PDE4DIP: variants seen among roughly 807,000 people sequenced by gnomAD.
PDE4DIP encodes myomegalin.
In PDE4DIP, 59 loss-of-function variants were observed where a neutral mutation model predicts 221.4. That is an observed-to-expected ratio of 0.27 (90% confidence interval 0.22 to 0.33). The LOEUF is 0.33. Ranked by LOEUF, PDE4DIP falls within the 10% of genes least tolerant of loss-of-function variation. The pLI, the probability that PDE4DIP is intolerant of heterozygous loss-of-function variation, is 1.00. For synonymous variants in PDE4DIP, 404 were observed against 815.9 expected (o/e 0.50, Z 8.60); for missense variants, 1,036 against 2,154.2 (o/e 0.48, Z 10.28).
In PDE4DIP at chr1:148,892,601, G is replaced by A. The variant is rs1699011547; in HGVS notation, c.141+2707G>A. Among the ~76,000 whole-genome samples the A allele has an allele frequency of 1.7e-5, 2 of 120,530 alleles. 1 individual carries two copies. The highest frequency in any genetic ancestry group is 6.8e-5 in the African/African-American group (2 of 29,240). 79.1% of individuals were successfully genotyped at this position (120,530 alleles called of 152,430 possible). ...TGTCTCTATCTAGTCTTACGTGTTA[G>A]CAGAGTTGTCAGGCAGCTACTGCAT... On this transcript the variant is annotated intron_variant, in intron 1 of 43. Coordinates refer to ENST00000369354, the Ensembl canonical transcript of PDE4DIP.
chr1:148,953,166 T>G (rs1553494223), intron 5 of PDE4DIP: 1 of 1,614,106 alleles, frequency 6.2e-7, no homozygotes, highest in Non-Finnish European at 8.5e-7. Flanking sequence ...TCTGCACTGC[T>G]CCAGGAGGAC....
chr1:148,875,814 TACTC>T (rs1691009831), intron 3 of PDE4DIP, among the ~76,000 whole-genome samples: 1 of 151,968 alleles, frequency 6.6e-6, no homozygotes, highest in African/African-American at 2.4e-5. Context: ...TAATCCCAGT[TACTC>T]AGGAGGCTGA....
intron 21 of PDE4DIP, chr1:148,981,689 A>G (rs1409284764): frequency 8.2e-6 from 3 of 365,340 alleles, no homozygotes; most frequent in Non-Finnish European, 1.6e-5. Context: ...ATTCTGTTTT[A>G]GTTTTTCCAC....
At chr1:148,924,427 G>A (rs1421650859) in intron 1 of PDE4DIP, among the ~76,000 whole-genome samples, 67 of 151,958 alleles carry the variant, frequency 4.4e-4, no homozygotes, top group South Asian at 4.2e-3. Context: ...GTTAAAAATC[G>A]TTAAAAGGTT....
At chr1:149,006,545 T>A (rs2152526518) in intron 27 of PDE4DIP, 1 of 152,290 alleles carries the variant, frequency 6.6e-6, no homozygotes, top group South Asian at 2.1e-4. Flanking sequence ...AGACTTAGGA[T>A]GAAATGATGC....
chr1:148,981,163 CAA>C, intron 20 of PDE4DIP, 105 bp from the exon 24 acceptor site: 1 of 995,076 alleles, frequency 1.0e-6, no homozygotes, highest in Non-Finnish European at 1.5e-6. Flanking sequence ...AATTACTTTA[CAA>C]AGTCGTGTGG....
intron 40 of PDE4DIP, 71 bp from the exon 44 acceptor site, chr1:149,028,489 C>T (rs2075816151): frequency 2.2e-5 from 32 of 1,432,760 alleles, no homozygotes; most frequent in Non-Finnish European, 2.6e-5. Context: ...GCCTCACTCA[C>T]AAAGGAAGCT....
chr1:148,821,052 C>G (rs1166737304), intron 1 of PDE4DIP, among the ~76,000 whole-genome samples: 2 of 150,000 alleles, frequency 1.3e-5, no homozygotes, highest in African/African-American at 5.0e-5. Context: ...GGGGTTTCAC[C>G]GTGTTAGCCA....
At chr1:148,974,845 C>G (rs1283894310) in intron 17 of PDE4DIP, among the ~76,000 whole-genome samples, 1 of 63,280 alleles carries the variant, frequency 1.6e-5, no homozygotes, top group Non-Finnish European at 3.1e-5. Flanking sequence ...ACGTAACCCT[C>G]TCTCCCCATT....
At chr1:148,859,187 CA>C (rs1215346869) in intron 1 of PDE4DIP, among the ~76,000 whole-genome samples, 9 of 105,080 alleles carry the variant, frequency 8.6e-5, no homozygotes, top group African/African-American at 3.0e-4. Context: ...GTCAGAATAT[CA>C]GGGGGTGGCA....
At chr1:148,952,400 C>T (rs880002927) in intron 5 of PDE4DIP, 73 of 1,085,384 alleles carry the variant, frequency 6.7e-5, no homozygotes, top group Middle Eastern at 8.0e-4. Flanking sequence ...GGCTTTGCGT[C>T]TGCGCGGCCG....
chr1:148,961,521 T>A (rs2056930436), intron 6 of PDE4DIP, among the ~76,000 whole-genome samples: 2 of 152,134 alleles, frequency 1.3e-5, no homozygotes, highest in Admixed American at 1.3e-4. Flanking sequence ...TCTTTGGTCC[T>A]TGTATAAGGG....
chr1:148,996,569 T>C (rs1302784881), intron 22 of PDE4DIP, among the ~76,000 whole-genome samples: 1 of 152,122 alleles, frequency 6.6e-6, no homozygotes, highest in Non-Finnish European at 1.5e-5. Flanking sequence ...TCTAAGGATC[T>C]TTCTTCTTTG....
intron 5 of PDE4DIP, among the ~76,000 whole-genome samples, chr1:148,938,761 T>TCAGATA (rs2049858766): frequency 6.6e-6 from 1 of 151,400 alleles, no homozygotes; most frequent in Admixed American, 6.6e-5. Flanking sequence ...TACAAGTGTA[T>TCAGATA]CAGATAATGA....
chr1:148,929,495 T>G (rs1553468076), intron 2 of PDE4DIP: 1 of 525,200 alleles, frequency 1.9e-6, no homozygotes, highest in African/African-American at 1.9e-5. Flanking sequence ...CCACCAGACC[T>G]AAGACTGCAA....
chr1:148,981,951 A>G (rs1188072710), intron 21 of PDE4DIP: 1 of 158,506 alleles, frequency 6.3e-6, no homozygotes, highest in Non-Finnish European at 1.4e-5. Context: ...TGACTTTGCA[A>G]AAGTGATATA....
intron 5 of PDE4DIP, among the ~76,000 whole-genome samples, chr1:148,949,517 T>C (rs1460542361): frequency 7.2e-5 from 11 of 152,038 alleles, no homozygotes; most frequent in Admixed American, 5.2e-4. Flanking sequence ...AAACATTCAT[T>C]GTCCAAAATT....
intron 21 of PDE4DIP, chr1:148,984,835 A>G (rs1275289552): frequency 7.2e-5 from 11 of 152,168 alleles, no homozygotes; most frequent in Admixed American, 5.2e-4. Flanking sequence ...AGAAAACTCT[A>G]GTTCCCATTG....
chr1:148,977,464 G>T (rs2060404722), intron 17 of PDE4DIP, among the ~76,000 whole-genome samples: 1 of 125,810 alleles, frequency 7.9e-6, no homozygotes, highest in Admixed American at 8.4e-5. Context: ...ACAGGTGGTG[G>T]CGTGTTCTTC....
Sources: gnomAD v4.1 joint callset for allele counts (sites outside exome capture counted in the v4.1 genomes callset) on GRCh38, gnomAD v4.1.1 for gene constraint, MANE v1.5 for transcripts, NCBI Gene and HGNC (gene_info 2026-07-23, HGNC 2026-07-21) for gene names.